Variants in CREB5 observed in about 807,000 individuals in gnomAD.
CREB5 encodes cAMP responsive element binding protein 5, also known as cyclic AMP-responsive element-binding protein 5.
In CREB5, 19 loss-of-function variants were observed where a neutral mutation model predicts 57.1. That is an observed-to-expected ratio of 0.33 (90% CI 0.23 to 0.49). The LOEUF (loss-of-function observed/expected upper bound fraction) is 0.49. Ranked by LOEUF, CREB5 falls within the 20% of genes least tolerant of loss-of-function variation. The pLI, the probability that CREB5 is intolerant of heterozygous loss-of-function variation, is 0.99. For synonymous variants in CREB5, 238 were observed against 238.3 expected (o/e 1.00, Z 0.01); for missense variants, 579 against 671.6 (o/e 0.86, Z 1.52).
chr7:28,798,721 C>A (rs923234326), intron 7 of CREB5, among the ~76,000 whole-genome samples: 1 of 152,202 alleles, frequency 6.6e-6, no homozygotes, highest in Non-Finnish European at 1.5e-5. Flanking sequence ...CCCTAATTTT[C>A]TCTGATATAA....
chr7:28,304,947 AAGTATTTCTTC>A (rs1168831935), intron 1 of CREB5, among the ~76,000 whole-genome samples: 2 of 152,230 alleles, frequency 1.3e-5, no homozygotes, highest in African/African-American at 4.8e-5. Flanking sequence ...GTACTCTGGG[AAGTATTTCTTC>A]ACTGAAATCT....
chr7:28,639,630 C>T (rs1194942095), intron 5 of CREB5, among the ~76,000 whole-genome samples: 1 of 152,148 alleles, frequency 6.6e-6, no homozygotes, highest in Non-Finnish European at 1.5e-5. Context: ...GGGCACTAAT[C>T]ATGGACCCAA....
At chr7:28,706,022 T>G (rs2128740308) in intron 5 of CREB5, among the ~76,000 whole-genome samples, 1 of 152,082 alleles carries the variant, frequency 6.6e-6, no homozygotes, top group East Asian at 1.9e-4. Context: ...GGTTCCAGAG[T>G]TTCTCCTGCT....
intron 5 of CREB5, among the ~76,000 whole-genome samples, chr7:28,672,462 C>G (rs368539643): frequency 6.6e-6 from 1 of 152,026 alleles, no homozygotes; most frequent in South Asian, 2.1e-4. Flanking sequence ...AAAAAATGCT[C>G]TTTTCATAAT....
intron 4 of CREB5, among the ~76,000 whole-genome samples, chr7:28,567,865 T>G (rs1795544474): frequency 6.6e-6 from 1 of 151,894 alleles, no homozygotes; most frequent in Non-Finnish European, 1.5e-5. Flanking sequence ...CACACGGACT[T>G]CAGAGGCCAT....
chr7:28,392,540 T>C (rs974413775), intron 1 of CREB5, among the ~76,000 whole-genome samples: 1 of 152,236 alleles, frequency 6.6e-6, no homozygotes, highest in Non-Finnish European at 1.5e-5. Context: ...CCCAGGTTTA[T>C]GTGGGATTAC....
chr7:28,571,574 T>C (rs1392829501), intron 5 of CREB5, among the ~76,000 whole-genome samples: 1 of 152,182 alleles, frequency 6.6e-6, no homozygotes, highest in Admixed American at 6.5e-5. Context: ...AGATACTCCA[T>C]GTCATGTGAT....
chr7:28,398,323 A>G (rs1787379686), intron 1 of CREB5, among the ~76,000 whole-genome samples: 1 of 152,166 alleles, frequency 6.6e-6, no homozygotes, highest in African/African-American at 2.4e-5. Context: ...TTCCAGAATA[A>G]TGGAGGCTTT....
chr7:28,631,546 T>C (rs542839006), intron 5 of CREB5, among the ~76,000 whole-genome samples: 61 of 152,304 alleles, frequency 4.0e-4, no homozygotes, highest in African/African-American at 1.5e-3. Context: ...ATGCCAGTGC[T>C]GCCTTTTTCG....
intron 5 of CREB5, among the ~76,000 whole-genome samples, chr7:28,714,306 C>A (rs564349538): frequency 1.3e-5 from 2 of 152,272 alleles, no homozygotes; most frequent in East Asian, 3.9e-4. Context: ...ATGGGAAGAT[C>A]AATATCTTCC....
chr7:28,305,198 A>C (rs1221665629), intron 1 of CREB5, among the ~76,000 whole-genome samples: 1 of 152,192 alleles, frequency 6.6e-6, no homozygotes, highest in Non-Finnish European at 1.5e-5. Flanking sequence ...CTTCTGGGGC[A>C]GAACTGTCTT....
At chr7:28,492,211 G>C (rs899896471) in intron 2 of CREB5, among the ~76,000 whole-genome samples, 1 of 152,184 alleles carries the variant, frequency 6.6e-6, no homozygotes, top group African/African-American at 2.4e-5. Context: ...TGTTGGCCAG[G>C]CTGGTCTCGA....
At chr7:28,513,868 A>G (rs216705) in intron 4 of CREB5, 87,627 of 152,142 alleles carry the variant, frequency 0.58, 26,745 homozygotes, top group Admixed American at 0.7. Flanking sequence ...CAACTTTAAA[A>G]TGGAGTGGAG....
chr7:28,693,521 TAAAAAAAAAA>T (rs36048926), intron 5 of CREB5, among the ~76,000 whole-genome samples: 1 of 138,440 alleles, frequency 7.2e-6, no homozygotes, highest in Non-Finnish European at 1.6e-5. Flanking sequence ...TATCACTGCT[TAAAAAAAAAA>T]AAAGAAAAAA....
chr7:28,549,223 T>C (rs1005706220), intron 4 of CREB5, among the ~76,000 whole-genome samples: 20 of 152,224 alleles, frequency 1.3e-4, no homozygotes, highest in African/African-American at 3.6e-4. Flanking sequence ...TCTAAAAGCA[T>C]ATAAGTATGA....
intron 4 of CREB5, among the ~76,000 whole-genome samples, chr7:28,539,392 A>G (rs1419824928): frequency 6.6e-6 from 1 of 152,164 alleles, no homozygotes; most frequent in Non-Finnish European, 1.5e-5. Flanking sequence ...CTTAAATATC[A>G]CTTAAGTATC....
intron 1 of CREB5, among the ~76,000 whole-genome samples, chr7:28,372,607 A>G (rs1481606850): frequency 6.6e-6 from 1 of 152,192 alleles, no homozygotes; most frequent in Non-Finnish European, 1.5e-5. Flanking sequence ...TATTGCTCTT[A>G]TTTCTCCAGT....
chr7:28,628,122 G>A (rs760408328), intron 5 of CREB5, among the ~76,000 whole-genome samples: 10 of 151,764 alleles, frequency 6.6e-5, no homozygotes, highest in Non-Finnish European at 1.0e-4. Flanking sequence ...TTCTTACTAC[G>A]GTATTGCCCA....
At chr7:28,685,866 C>T (rs1800868029) in intron 5 of CREB5, 1 of 353,628 alleles carries the variant, frequency 2.8e-6, no homozygotes, top group South Asian at 7.1e-5. Flanking sequence ...GGAACTCAGC[C>T]TGGGGCTGTT....
Sources: allele counts gnomAD v4.1 joint callset (sites outside exome capture counted in the v4.1 genomes callset), GRCh38; gene constraint gnomAD v4.1.1; transcripts MANE v1.5; gene names NCBI Gene and HGNC (gene_info 2026-07-23, HGNC 2026-07-21).